Variants in PHF20L1 observed in about 807,000 individuals in gnomAD.
PHF20L1 encodes the protein PHD finger protein 20 like 1, also known as PHD finger protein 20-like protein 1.
A neutral mutation model predicts 125.5 loss-of-function variants in PHF20L1; 44 were observed. The ratio of observed to expected loss-of-function variants is 0.35; its 90% CI spans 0.28 to 0.45. The LOEUF is 0.45. Ranked by LOEUF, PHF20L1 falls within the 20% of genes least tolerant of loss-of-function variation. The probability of loss-of-function intolerance (pLI) is 1.00; values close to 1 mark genes in which losing one functional copy is unlikely to be tolerated. For missense variants in PHF20L1, 1,012 were observed against 1,217.2 expected (o/e 0.83, Z 2.51); for synonymous variants, 380 against 403.1 (o/e 0.94, Z 0.69).
intron 11 of PHF20L1, 94 bp downstream of exon 11, chr8:132,817,170 C>T (rs1294758958): frequency 2.2e-6 from 2 of 927,130 alleles, no homozygotes; most frequent in Non-Finnish European, 3.2e-6. Flanking sequence ...GATATTTCTG[C>T]TCTTATATCT....
intron 2 of PHF20L1, among the ~76,000 whole-genome samples, chr8:132,792,283 G>A (rs1831815457): frequency 6.6e-6 from 1 of 152,108 alleles, no homozygotes; most frequent in South Asian, 2.1e-4. Flanking sequence ...GAACAACCTT[G>A]TTCTAGGTTT....
intron 19 of PHF20L1, 43 bp from the exon 20 acceptor site, chr8:132,844,113 A>T: frequency 6.2e-7 from 1 of 1,607,986 alleles, no homozygotes; most frequent in Non-Finnish European, 8.5e-7. Flanking sequence ...ACTGCATTTC[A>T]TCCCGTTCTT....
intron 2 of PHF20L1, among the ~76,000 whole-genome samples, chr8:132,791,072 T>G (rs1304966753): frequency 6.6e-6 from 1 of 152,130 alleles, no homozygotes; most frequent in Admixed American, 6.5e-5. Context: ...AAATGTACAC[T>G]ATGTTTTCAA....
In PHF20L1 at chr8:132,839,005, C is replaced by G. The variant is rs1018362; in HGVS notation, c.2192-382C>G. ...AGGGTTCCTATTCACTCAGCTAGAA[C>G]TCTATGGTTCATCCAGTTCAAAACA... On this transcript the variant is annotated intron_variant, in intron 17 of 20. Transcript: ENST00000395386. Among the ~76,000 whole-genome samples, 178 of 152,260 alleles carry G rather than the reference C, an allele frequency of 1.2e-3. 1 individual carries two copies. The highest frequency in any genetic ancestry group is 4.2e-3 in the African/African-American group (173 of 41,560).
At chr8:132,831,317 A>T (rs977935292) in intron 14 of PHF20L1, among the ~76,000 whole-genome samples, 5 of 151,870 alleles carry the variant, frequency 3.3e-5, no homozygotes, top group African/African-American at 1.2e-4. Flanking sequence ...TGTGGCATGC[A>T]CTCTTCAGCT....
intron 20 of PHF20L1, among the ~76,000 whole-genome samples, chr8:132,844,684 A>G (rs528212953): frequency 6.6e-6 from 1 of 152,222 alleles, no homozygotes; most frequent in South Asian, 2.1e-4. Context: ...CATTTTGAAT[A>G]TTTTTTACTT....
Position 132,842,414 on chromosome 8 carries a change from A to G in PHF20L1, c.2388-101A>G, listed in dbSNP as rs1396145858. On this transcript the variant is annotated intron_variant, in intron 18 of 20. Transcript: ENST00000395386. ...TACCTTTGCTTTTGTCTTGAGTCCTAGATGTCCTCCTAACCTAATTCTGAA... is the reference window on the plus strand; with the variant it reads ...TACCTTTGCTTTTGTCTTGAGTCCTGGATGTCCTCCTAACCTAATTCTGAA... 5 of 1,043,362 alleles carry G rather than the reference A, an allele frequency of 4.8e-6. No individual in the cohort carries two copies. In the South Asian group the frequency reaches 5.6e-5, roughly 12 times the overall value. 64.6% of individuals were successfully genotyped at this position (1,043,362 alleles called of 1,614,324 possible). A position where few individuals can be genotyped will look rare whatever the true frequency, so the allele number is the denominator to read the frequency against.
In PHF20L1 at chr8:132,829,008, T is replaced by C. The variant is rs192585430; in HGVS notation, c.1745-3227T>C. Reference sequence around the variant, plus strand: ...AATATTTAAGCTAGAAAAGTTGGTATGATCAAGGAAGGGACTTTATGTAGG... The same window carrying C: ...AATATTTAAGCTAGAAAAGTTGGTACGATCAAGGAAGGGACTTTATGTAGG... On this transcript the variant is annotated intron_variant, in intron 14 of 20. Transcript: ENST00000395386. Among the ~76,000 whole-genome samples the C allele has an allele frequency of 3.7e-4, 57 of 152,170 alleles. 1 individual carries two copies. The highest frequency in any genetic ancestry group is 1.3e-3 in the African/African-American group (56 of 41,558).
At chr8:132,786,805 A>G (rs1433358814) in intron 2 of PHF20L1, among the ~76,000 whole-genome samples, 1 of 152,154 alleles carries the variant, frequency 6.6e-6, no homozygotes, top group Non-Finnish European at 1.5e-5. Flanking sequence ...GTTATATGCC[A>G]CATGGTAGGC....
chr8:132,793,645 C>T (rs1205187854), intron 2 of PHF20L1, among the ~76,000 whole-genome samples: 2 of 152,100 alleles, frequency 1.3e-5, no homozygotes, highest in African/African-American at 4.8e-5. Context: ...AGCAACTTTC[C>T]TTGTAAAAGA....
chr8:132,794,394 C>T lies in PHF20L1; in HGVS notation c.84-16C>T, dbSNP rs200684038. On this transcript the variant is annotated splice_polypyrimidine_tract_variant and intron_variant, in intron 2 of 20. Transcript: ENST00000395386. ...ATAAGGATTTTCTCTTTATATGAAG[C>T]ATTTTGATTTTTGAGGTATCCATCA... 8.3e-4 allele frequency: 1,274 copies of T among 1,528,054 alleles called. 7 individuals carry two copies. The highest frequency in any genetic ancestry group is 2.4e-3 in the East Asian group (107 of 44,442). 94.7% of individuals were successfully genotyped at this position (1,528,054 alleles called of 1,614,324 possible).
At chr8:132,795,661 C>T (rs547953422) in intron 4 of PHF20L1, among the ~76,000 whole-genome samples, 11 of 152,172 alleles carry the variant, frequency 7.2e-5, no homozygotes, top group African/African-American at 2.2e-4. Context: ...TGACCACTTA[C>T]GGTAGTCCTT....
intron 4 of PHF20L1, among the ~76,000 whole-genome samples, chr8:132,798,359 A>G (rs1349482663): frequency 2.0e-5 from 3 of 152,028 alleles, no homozygotes; most frequent in African/African-American, 7.2e-5. Context: ...TCTTTTTTGC[A>G]TATCAGCTCC....
chr8:132,806,280 C>G lies in PHF20L1; in HGVS notation c.847+1540C>G, dbSNP rs571469350. On this transcript the variant is annotated intron_variant, in intron 8 of 20. Coordinates refer to ENST00000395386, the MANE Select transcript of PHF20L1 (RefSeq NM_016018.5). ...GTAAAAAAAACAAAAAACTACAACA[C>G]AAAAACTCTGCTGAGCCCACAATGA... The G allele has an allele frequency of 1.7e-4, 26 of 152,062 alleles. No homozygotes were observed. The East Asian group carries it at 4.8e-3, about 28-fold the overall frequency. The allele number at this position is 152,062 out of a possible 1,614,324, so 9.4% of individuals were successfully genotyped here.
intron 8 of PHF20L1, chr8:132,806,939 A>G (rs1267901758): frequency 6.6e-6 from 1 of 151,970 alleles, no homozygotes; most frequent in Non-Finnish European, 1.5e-5. Context: ...TCATATATTT[A>G]TCATTCTTTC....
intron 2 of PHF20L1, among the ~76,000 whole-genome samples, chr8:132,780,939 G>T (rs1438291446): frequency 6.6e-6 from 1 of 150,856 alleles, no homozygotes; most frequent in Non-Finnish European, 1.5e-5. Flanking sequence ...CTACCTCCTG[G>T]GCTCAAGCTA....
At chr8:132,843,823 AG>A (rs1838182260) in intron 19 of PHF20L1, 1 of 985,080 alleles carries the variant, frequency 1.0e-6, no homozygotes, top group East Asian at 1.1e-4. Flanking sequence ...TCACCAGCTG[AG>A]ATTAATTGAG....
intron 2 of PHF20L1, among the ~76,000 whole-genome samples, chr8:132,791,438 A>G (rs1394298056): frequency 1.3e-5 from 2 of 152,032 alleles, no homozygotes; most frequent in Admixed American, 6.5e-5. Context: ...ATTTTACTAG[A>G]GACCGGGTTT....
chr8:132,822,120 G>GT (rs1835671945), intron 12 of PHF20L1, among the ~76,000 whole-genome samples: 1 of 151,708 alleles, frequency 6.6e-6, no homozygotes. Context: ...GAGTCTCCCA[G>GT]TTTTACTCTT....
Sources: allele counts gnomAD v4.1 joint callset (sites outside exome capture counted in the v4.1 genomes callset), GRCh38; gene constraint gnomAD v4.1.1; transcripts MANE v1.5; gene names NCBI Gene and HGNC (gene_info 2026-07-23, HGNC 2026-07-21).